Variants in FSIP1 observed in about 807,000 individuals in gnomAD.
The protein encoded by FSIP1 is fibrous sheath-interacting protein 1.
A neutral mutation model predicts 60.9 loss-of-function variants in FSIP1; 65 were observed. The observed-to-expected ratio is 1.07, with a 90% CI of 0.87 to 1.31. FSIP1 has a LOEUF of 1.31. FSIP1 is among the 40% of genes most tolerant of loss of function. The probability of loss-of-function intolerance (pLI) is 0.00; values close to 1 mark genes in which losing one functional copy is unlikely to be tolerated. For missense variants in FSIP1, 675 were observed against 665.5 expected (o/e 1.01, Z -0.16); for synonymous variants, 209 against 221.2 (o/e 0.94, Z 0.49).
At position 39,782,757 on chromosome 15, in the gene FSIP1, A is replaced by C. The variant is rs2140749869; in HGVS notation, c.-137T>G. On this transcript the variant is annotated 5_prime_UTR_variant, in exon 1 of 12. Coordinates refer to ENST00000350221, the MANE Select transcript of FSIP1 (RefSeq NM_152597.5). ...GGAGAGGGGTCTCTCCCGCCACCTC[A>C]GCCTCTCTGGTAGTGGAAGAAGCCG... is the stretch of plus-strand genomic sequence containing the variant. 1 of 152,518 alleles carries C rather than the reference A, an allele frequency of 6.6e-6. No individual in the cohort carries two copies. The highest frequency in any genetic ancestry group is 2.4e-5 in the African/African-American group (1 of 41,582). The allele number at this position is 152,518 out of a possible 1,614,324, so 9.4% of individuals were successfully genotyped here. A position where few individuals can be genotyped will look rare whatever the true frequency, so the allele number is the denominator to read the frequency against.
chr15:39,772,593 C>A (rs541705367), intron 2 of FSIP1, among the ~76,000 whole-genome samples: 2 of 150,058 alleles, frequency 1.3e-5, no homozygotes, highest in Admixed American at 6.6e-5. Flanking sequence ...CCGTGCCCAG[C>A]CTATTTTTAT....
At chr15:39,613,484 GC>G (rs1485109236) in intron 11 of FSIP1, among the ~76,000 whole-genome samples, 1 of 152,054 alleles carries the variant, frequency 6.6e-6, no homozygotes, top group Non-Finnish European at 1.5e-5. Context: ...TCAAAAAAAG[GC>G]CCAGGGCCAG....
At chr15:39,610,121 G>A (rs1419662849) in intron 11 of FSIP1, among the ~76,000 whole-genome samples, 1 of 151,676 alleles carries the variant, frequency 6.6e-6, no homozygotes, top group Non-Finnish European at 1.5e-5. Flanking sequence ...AATGGACCCT[G>A]AAAAAAATGT....
chr15:39,678,774 A>G (rs1566881764), intron 10 of FSIP1, among the ~76,000 whole-genome samples: 1 of 152,216 alleles, frequency 6.6e-6, no homozygotes, highest in Non-Finnish European at 1.5e-5. Flanking sequence ...TTCCATCCCT[A>G]TTGGAAAACA....
intron 10 of FSIP1, among the ~76,000 whole-genome samples, chr15:39,649,781 A>AAGAATCTGCCTCTTCAACTTT (rs1463078780): frequency 6.6e-6 from 1 of 152,188 alleles, no homozygotes; most frequent in Non-Finnish European, 1.5e-5. Flanking sequence ...CTCTAATCAG[A>AAGAATCTGCCTCTTCAACTTT]AGAATCTGCC....
intron 8 of FSIP1, among the ~76,000 whole-genome samples, chr15:39,737,664 A>T (rs8032286): frequency 1.0e-3 from 152 of 152,094 alleles, no homozygotes; most frequent in African/African-American, 2.2e-3. Context: ...CAGGATTTTT[A>T]AAAAAAAATT....
downstream of FSIP1, among the ~76,000 whole-genome samples, chr15:39,599,766 T>C (rs556478761): frequency 6.6e-6 from 1 of 152,160 alleles, no homozygotes; most frequent in South Asian, 2.1e-4. Flanking sequence ...AAATCACAAC[T>C]TTTAACTTAT....
At position 39,626,473 on chromosome 15, in the gene FSIP1, G is replaced by GC. The variant is rs139347885; in HGVS notation, c.1189-8229dup. 4.6e-3 allele frequency among the ~76,000 whole-genome samples: 696 copies of GC among 152,272 alleles called. 8 individuals carry two copies. Among genetic ancestry groups the GC allele is most frequent in the South Asian group, 0.037 (178 of 4,806 alleles). On this transcript the variant is annotated intron_variant, in intron 10 of 11. Coordinates refer to ENST00000350221, the MANE Select transcript of FSIP1 (RefSeq NM_152597.5). Reference sequence around the variant, plus strand: ...GGTAGTACCTGGCCTTGCACAGTCTGCCCGTAGGTCAGCGATATGGTTTGG... The same window carrying GC: ...GGTAGTACCTGGCCTTGCACAGTCTGCCCCGTAGGTCAGCGATATGGTTTGG...
At chr15:39,689,025 C>G (rs561204233) in intron 10 of FSIP1, among the ~76,000 whole-genome samples, 1 of 152,338 alleles carries the variant, frequency 6.6e-6, no homozygotes, top group East Asian at 1.9e-4. Context: ...CCAGGCCTCT[C>G]TGACCTGGAC....
chr15:39,696,107 T>C (rs1289926177), intron 10 of FSIP1, among the ~76,000 whole-genome samples: 1 of 152,152 alleles, frequency 6.6e-6, no homozygotes, highest in Non-Finnish European at 1.5e-5. Flanking sequence ...CAGGCTGCAA[T>C]ACCCAGCATA....
chr15:39,633,439 T>C (rs1891994736), intron 10 of FSIP1, among the ~76,000 whole-genome samples: 1 of 152,202 alleles, frequency 6.6e-6, no homozygotes, highest in South Asian at 2.1e-4. Flanking sequence ...TCTAGTTTTT[T>C]TTATTCGTAA....
downstream of FSIP1, chr15:39,599,236 T>C (rs879583825): frequency 7.9e-5 from 12 of 152,194 alleles, no homozygotes; most frequent in African/African-American, 2.4e-4. Flanking sequence ...TCCGGAAGCT[T>C]TTTGTTGAAT....
intron 1 of FSIP1, among the ~76,000 whole-genome samples, chr15:39,782,188 G>A (rs1898291785): frequency 6.6e-6 from 1 of 152,234 alleles, no homozygotes; most frequent in Non-Finnish European, 1.5e-5. Context: ...ATCTTCTCCA[G>A]TCTCATAGGT....
intron 2 of FSIP1, among the ~76,000 whole-genome samples, chr15:39,776,166 CA>C (rs1898049982): frequency 1.6e-5 from 1 of 63,660 alleles, no homozygotes; most frequent in African/African-American, 5.6e-5. Context: ...AGGGGAGGAG[CA>C]GAGGGAGGGG....
intron 10 of FSIP1, among the ~76,000 whole-genome samples, chr15:39,687,136 CCTTTT>C (rs1371825235): frequency 3.6e-4 from 17 of 47,710 alleles, no homozygotes; most frequent in Non-Finnish European, 4.9e-4. Flanking sequence ...CTTTTCTTTT[CCTTTT>C]TTTTTTTTTT....
chr15:39,624,612 G>A (rs1891564567), intron 10 of FSIP1, among the ~76,000 whole-genome samples: 1 of 152,160 alleles, frequency 6.6e-6, no homozygotes, highest in South Asian at 2.1e-4. Flanking sequence ...AAAAGGGCTT[G>A]TTCTTCCTTC....
intron 2 of FSIP1, among the ~76,000 whole-genome samples, chr15:39,776,099 C>T (rs1305212825): frequency 1.4e-5 from 2 of 143,224 alleles, no homozygotes; most frequent in Non-Finnish European, 3.0e-5. Flanking sequence ...AAACCACACT[C>T]CAAAAAAAGA....
intron 10 of FSIP1, among the ~76,000 whole-genome samples, chr15:39,673,300 C>T (rs1456774111): frequency 6.6e-6 from 1 of 152,022 alleles, no homozygotes; most frequent in Non-Finnish European, 1.5e-5. Flanking sequence ...AATCATAATC[C>T]TTAGTTCGTA....
rs183014473 is a variant in FSIP1, at chr15:39,686,256, A to G, written c.1188+27188T>C. Among the ~76,000 whole-genome samples, 1,003 of 152,330 alleles carry G rather than the reference A, an allele frequency of 6.6e-3. 17 individuals are homozygous for G. Among genetic ancestry groups the G allele is most frequent in the African/African-American group, 0.023 (958 of 41,574 alleles). ...CTTCACACTGCTTCATCTCAAAACCATATTTCCACCTCCACTATGGCCTTC... is the reference window on the plus strand; with the variant it reads ...CTTCACACTGCTTCATCTCAAAACCGTATTTCCACCTCCACTATGGCCTTC... On this transcript the variant is annotated intron_variant, in intron 10 of 11. Transcript: ENST00000350221.
Sources: gnomAD v4.1 joint callset for allele counts (sites outside exome capture counted in the v4.1 genomes callset) on GRCh38, gnomAD v4.1.1 for gene constraint, MANE v1.5 for transcripts, NCBI Gene and HGNC (gene_info 2026-07-23, HGNC 2026-07-21) for gene names.